Variants in ROBO1 observed in about 807,000 individuals in gnomAD.
ROBO1 encodes roundabout guidance receptor 1.
A neutral mutation model predicts 195.9 loss-of-function variants in ROBO1; 149 were observed. The observed-to-expected ratio is 0.76, with a 90% CI of 0.67 to 0.87. The LOEUF is 0.87. Among genes scored for constraint, ROBO1 ranks in the 40% least tolerant of loss-of-function variants. ROBO1 has a pLI of 0.00. For missense variants in ROBO1, 1,933 were observed against 2,068.3 expected, an observed-to-expected ratio of 0.93 and a Z score of 1.27; for synonymous variants, 816 against 733.2, an observed-to-expected ratio of 1.11 and a Z score of -1.82.
At chr3:78,851,052 C>A (rs1248523579) in intron 4 of ROBO1, among the ~76,000 whole-genome samples, 1 of 152,032 alleles carries the variant, frequency 6.6e-6, no homozygotes, top group African/African-American at 2.4e-5. Context: ...GGTGATCCAC[C>A]CACCACCTCG....
intron 2 of ROBO1, among the ~76,000 whole-genome samples, chr3:79,279,881 A>G (rs1296433048): frequency 6.6e-6 from 1 of 152,246 alleles, no homozygotes; most frequent in African/African-American, 2.4e-5. Context: ...AAAATGTGAT[A>G]TATAGATCAC....
At chr3:79,074,822 A>G (rs956053525) in intron 3 of ROBO1, among the ~76,000 whole-genome samples, 2 of 151,852 alleles carry the variant, frequency 1.3e-5, no homozygotes, top group African/African-American at 2.4e-5. Context: ...TTTAGTAATT[A>G]CCTACTAAAT....
At position 79,517,696 on chromosome 3, in the gene ROBO1, T is replaced by G. The variant is rs550947450; in HGVS notation, c.88+72128A>C. Among the ~76,000 whole-genome samples the G allele has an allele frequency of 1.0e-3, 155 of 152,310 alleles. 1 individual carries two copies. The highest frequency in any genetic ancestry group is 6.8e-3 in the South Asian group (33 of 4,826). ...GAGAGGCAAGAGACTGAAAATATTCTTTTAGAATGTTCTTGTATGGCCCAA... is the reference window on the plus strand; with the variant it reads ...GAGAGGCAAGAGACTGAAAATATTCGTTTAGAATGTTCTTGTATGGCCCAA... On this transcript the variant is annotated intron_variant, in intron 2 of 30. Coordinates refer to ENST00000464233, the MANE Select transcript of ROBO1 (RefSeq NM_002941.4).
At chr3:79,398,446 T>C (rs2037234547) in intron 2 of ROBO1, among the ~76,000 whole-genome samples, 1 of 152,158 alleles carries the variant, frequency 6.6e-6, no homozygotes, top group Non-Finnish European at 1.5e-5. Context: ...GATACTGATA[T>C]AGGTGTGTAG....
chr3:78,901,757 A>G (rs2037603555), intron 4 of ROBO1, among the ~76,000 whole-genome samples: 2 of 152,156 alleles, frequency 1.3e-5, no homozygotes, highest in Admixed American at 1.3e-4. Flanking sequence ...TCTTGACAGA[A>G]CACAGTATTC....
intron 1 of ROBO1, among the ~76,000 whole-genome samples, chr3:79,636,631 C>T (rs981584833): frequency 6.6e-6 from 1 of 152,118 alleles, no homozygotes; most frequent in African/African-American, 2.4e-5. Context: ...GAACAAGGCT[C>T]CCCTCACGTG....
chr3:78,973,553 A>G (rs1381355426), intron 3 of ROBO1, among the ~76,000 whole-genome samples: 4 of 139,272 alleles, frequency 2.9e-5, no homozygotes, highest in Admixed American at 1.5e-4. Flanking sequence ...GAATATATAT[A>G]AGAAGCTATA....
At chr3:79,155,154 C>T (rs1411221641) in intron 2 of ROBO1, among the ~76,000 whole-genome samples, 1 of 151,446 alleles carries the variant, frequency 6.6e-6, no homozygotes, top group East Asian at 2.0e-4. Flanking sequence ...CCAGGTCACT[C>T]TGCACAATGA....
chr3:79,123,176 A>C (rs1426401610), intron 3 of ROBO1, among the ~76,000 whole-genome samples: 1 of 151,976 alleles, frequency 6.6e-6, no homozygotes, highest in Non-Finnish European at 1.5e-5. Flanking sequence ...CAGATATACC[A>C]AACTCTAGAC....
rs1422813430 is a variant in ROBO1 at position 78,614,513 on chromosome 3, A to G, written c.4435+135T>C. On this transcript the variant is annotated intron_variant, in intron 28 of 30. Coordinates refer to ENST00000464233, the MANE Select transcript of ROBO1 (RefSeq NM_002941.4). The stretch of plus-strand genomic sequence containing the variant: ...CAAAATATGTAAGTAGGTCGCTTCT[A>G]TAAGTAATATGAAGCTGATTGTTAA... The G allele has an allele frequency of 9.6e-6, 9 of 940,106 alleles. No homozygotes were observed. The South Asian group carries it at 1.5e-4, about 15-fold the overall frequency. 58.2% of individuals were successfully genotyped at this position (940,106 alleles called of 1,614,324 possible).
At chr3:79,479,758 T>C (rs1434283135) in intron 2 of ROBO1, among the ~76,000 whole-genome samples, 1 of 152,202 alleles carries the variant, frequency 6.6e-6, no homozygotes, top group Non-Finnish European at 1.5e-5. Context: ...TTAAAATTTA[T>C]AAATACGTTA....
intron 2 of ROBO1, among the ~76,000 whole-genome samples, chr3:79,395,403 C>G: frequency 6.7e-6 from 1 of 148,962 alleles, no homozygotes; most frequent in East Asian, 2.0e-4. Flanking sequence ...AAAAGCAGTA[C>G]TCTTTGAAGT....
intron 4 of ROBO1, among the ~76,000 whole-genome samples, chr3:78,875,685 C>A (rs565951989): frequency 6.6e-6 from 1 of 152,118 alleles, no homozygotes; most frequent in Non-Finnish European, 1.5e-5. Context: ...CTGGCAGTCT[C>A]CAAACATCAG....
chr3:78,762,943 T>C (rs982848322), intron 4 of ROBO1, among the ~76,000 whole-genome samples: 2 of 151,994 alleles, frequency 1.3e-5, no homozygotes, highest in Admixed American at 1.3e-4. Flanking sequence ...ATCATAGACA[T>C]GTTGAAAAAG....
rs112005212 is a variant in ROBO1 at position 78,701,463 on chromosome 3, C to G, written c.1046-12691G>C. Among the ~76,000 whole-genome samples the G allele has an allele frequency of 2.9e-3, 438 of 152,154 alleles. 3 individuals are homozygous for G. Among genetic ancestry groups the G allele is most frequent in the African/African-American group, 9.8e-3 (408 of 41,514 alleles). ...GTGTGAAAGGAAATGCTTTATAAGC[C>G]CCCATCCATGTCTAAAGTTGAAAAT... On this transcript the variant is annotated intron_variant, in intron 8 of 30. Coordinates refer to ENST00000464233, the MANE Select transcript of ROBO1 (RefSeq NM_002941.4).
intron 1 of ROBO1, among the ~76,000 whole-genome samples, chr3:79,663,801 G>A (rs923296292): frequency 1.3e-5 from 2 of 151,860 alleles, no homozygotes; most frequent in African/African-American, 4.8e-5. Context: ...TCTATATCCT[G>A]GAATCTCTTC....
At chr3:78,629,008 C>G (rs1705002476) in intron 25 of ROBO1, among the ~76,000 whole-genome samples, 1 of 152,198 alleles carries the variant, frequency 6.6e-6, no homozygotes, top group African/African-American at 2.4e-5. Context: ...AAATGGCTCT[C>G]TAATTGTTTA....
At chr3:79,740,440 A>T (rs1380594880) in intron 1 of ROBO1, among the ~76,000 whole-genome samples, 1 of 152,026 alleles carries the variant, frequency 6.6e-6, no homozygotes, top group African/African-American at 2.4e-5. Context: ...ATGAAGAAAT[A>T]CATGAGACTA....
intron 3 of ROBO1, among the ~76,000 whole-genome samples, chr3:79,070,476 A>G (rs2079069425): frequency 6.6e-6 from 1 of 151,844 alleles, no homozygotes; most frequent in Non-Finnish European, 1.5e-5. Context: ...TTTTAGTTTT[A>G]TAGGCTTTTT....
Sources: gnomAD v4.1 joint callset for allele counts (sites outside exome capture counted in the v4.1 genomes callset) on GRCh38, gnomAD v4.1.1 for gene constraint, MANE v1.5 for transcripts, NCBI Gene and HGNC (gene_info 2026-07-23, HGNC 2026-07-21) for gene names.